CFAP299: variants seen among roughly 807,000 people sequenced by gnomAD.
CFAP299 encodes cilia and flagella associated protein 299, also known as cilia- and flagella-associated protein 299.
A neutral mutation model predicts 27.0 loss-of-function variants in CFAP299; 21 were observed. The ratio of observed to expected loss-of-function variants is 0.78; its 90% CI spans 0.55 to 1.12. CFAP299 has a LOEUF of 1.12. CFAP299 is among the 50% of genes most tolerant of loss of function. The probability of loss-of-function intolerance (pLI) is 0.00; values close to 1 mark genes in which losing one functional copy is unlikely to be tolerated. For missense variants in CFAP299, 310 were observed against 276.6 expected (o/e 1.12, Z -0.86); for synonymous variants, 104 against 98.1 (o/e 1.06, Z -0.36).
At chr4:80,693,933 G>A (rs1720923459) in intron 3 of CFAP299, among the ~76,000 whole-genome samples, 1 of 151,276 alleles carries the variant, frequency 6.6e-6, no homozygotes, top group Admixed American at 6.6e-5. Flanking sequence ...GTAGATTATT[G>A]CCCTTATGAC....
intron 2 of CFAP299, among the ~76,000 whole-genome samples, chr4:80,551,543 A>G (rs1041028698): frequency 3.9e-5 from 6 of 152,156 alleles, no homozygotes; most frequent in South Asian, 2.1e-4. Flanking sequence ...CTATATTCAA[A>G]GTCCAGATAT....
At chr4:80,537,460 A>G (rs1356757595) in intron 2 of CFAP299, among the ~76,000 whole-genome samples, 2 of 152,168 alleles carry the variant, frequency 1.3e-5, no homozygotes, top group Non-Finnish European at 2.9e-5. Context: ...GCATGAATAA[A>G]TAAAGAAAAT....
chr4:80,543,238 A>T (rs1734084964), intron 2 of CFAP299, among the ~76,000 whole-genome samples: 1 of 152,202 alleles, frequency 6.6e-6, no homozygotes, highest in African/African-American at 2.4e-5. Context: ...AGTGTAAAGG[A>T]ACATCAGCCC....
At chr4:80,618,512 GA>G (rs975597791) in intron 3 of CFAP299, among the ~76,000 whole-genome samples, 1 of 151,710 alleles carries the variant, frequency 6.6e-6, no homozygotes, top group Admixed American at 6.6e-5. Context: ...ACTGTATTAG[GA>G]AAAAAATGAA....
intron 2 of CFAP299, among the ~76,000 whole-genome samples, chr4:80,452,462 G>A (rs1245683243): frequency 6.6e-6 from 1 of 152,164 alleles, no homozygotes; most frequent in East Asian, 1.9e-4. Flanking sequence ...GCTCTCTTAG[G>A]TTTGCAAAGG....
At chr4:80,814,375 A>G (rs1159798416) in intron 3 of CFAP299, among the ~76,000 whole-genome samples, 3 of 152,088 alleles carry the variant, frequency 2.0e-5, no homozygotes, top group Non-Finnish European at 4.4e-5. Context: ...ACAGATGGAC[A>G]TGAGTATCAT....
chr4:80,803,380 A>G (rs1728709118), intron 3 of CFAP299, among the ~76,000 whole-genome samples: 2 of 152,146 alleles, frequency 1.3e-5, no homozygotes, highest in African/African-American at 4.8e-5. Context: ...GATTTTGTTG[A>G]GGAAATTAAT....
rs189033434 is a variant in CFAP299, at chr4:80,673,614, G to T, written c.333+90431G>T. The stretch of plus-strand genomic sequence containing the variant: ...TGATCTGTCTAATATTGACAGTGGG[G>T]TGTTAAAGTCTCCCATTATTATTGT... On this transcript the variant is annotated intron_variant, in intron 3 of 5. Coordinates refer to ENST00000358105, the MANE Select transcript of CFAP299 (RefSeq NM_152770.3). Among the ~76,000 whole-genome samples, 8 of 152,234 alleles carry T rather than the reference G, an allele frequency of 5.3e-5. No individual in the cohort carries two copies. The East Asian group carries it at 9.7e-4, about 18-fold the overall frequency.
At chr4:80,915,384 TC>T (rs1475126267) in intron 4 of CFAP299, among the ~76,000 whole-genome samples, 1 of 152,036 alleles carries the variant, frequency 6.6e-6, no homozygotes, top group African/African-American at 2.4e-5. Context: ...CATGTGAATG[TC>T]CTTTTCTTTG....
At chr4:80,455,345 G>C (rs190911026) in intron 2 of CFAP299, among the ~76,000 whole-genome samples, 5 of 152,270 alleles carry the variant, frequency 3.3e-5, no homozygotes, top group Middle Eastern at 6.8e-3. Context: ...CTCTTTCACT[G>C]TCATAATTTT....
At chr4:80,866,424 G>A (rs770118075) in intron 3 of CFAP299, among the ~76,000 whole-genome samples, 16 of 152,162 alleles carry the variant, frequency 1.1e-4, no homozygotes, top group Admixed American at 7.2e-4. Flanking sequence ...CAGGCAGGGA[G>A]TCTCTGTTGC....
intron 4 of CFAP299, among the ~76,000 whole-genome samples, chr4:80,925,501 T>A (rs1736263286): frequency 6.6e-6 from 1 of 151,996 alleles, no homozygotes; most frequent in African/African-American, 2.4e-5. Flanking sequence ...GTTGAAAGAC[T>A]GTCAGGAAAC....
At chr4:80,577,658 C>G (rs779943009) in intron 2 of CFAP299, among the ~76,000 whole-genome samples, 1 of 152,056 alleles carries the variant, frequency 6.6e-6, no homozygotes, top group Non-Finnish European at 1.5e-5. Context: ...ACCTCGGCCT[C>G]GCAAAATGCT....
chr4:80,656,067 G>C (rs1033484083), intron 3 of CFAP299, among the ~76,000 whole-genome samples: 2 of 152,024 alleles, frequency 1.3e-5, no homozygotes, highest in African/African-American at 4.8e-5. Flanking sequence ...AAACCAATGA[G>C]CAGCTCAGAT....
chr4:80,708,377 T>C (rs1288244652), intron 3 of CFAP299, among the ~76,000 whole-genome samples: 1 of 152,042 alleles, frequency 6.6e-6, no homozygotes, highest in Non-Finnish European at 1.5e-5. Context: ...TTTATGTAAA[T>C]ATATTCCAGA....
chr4:80,651,713 T>TGG (rs1469375743), intron 3 of CFAP299, among the ~76,000 whole-genome samples: 6 of 150,402 alleles, frequency 4.0e-5, no homozygotes, highest in Non-Finnish European at 8.9e-5. Context: ...CTTGTGTGTG[T>TGG]GTGTGTGTGT....
chr4:80,342,485 A>T (rs1039739602), intron 1 of CFAP299, among the ~76,000 whole-genome samples: 3 of 152,230 alleles, frequency 2.0e-5, no homozygotes, highest in Non-Finnish European at 4.4e-5. Context: ...TGGAAACCCT[A>T]CAAGCCAGAA....
chr4:80,737,525 G>A lies in CFAP299; in HGVS notation c.334-132468G>A, dbSNP rs552643311. ...TGGTTCATTCTTTGTAGGTTTATGTGTCTAGGAACTTAATACATTTCTTCT... is the reference window on the plus strand; with the variant it reads ...TGGTTCATTCTTTGTAGGTTTATGTATCTAGGAACTTAATACATTTCTTCT... On this transcript the variant is annotated intron_variant, in intron 3 of 5. Coordinates refer to ENST00000358105, the MANE Select transcript of CFAP299 (RefSeq NM_152770.3). Among the ~76,000 whole-genome samples, 10 of 152,088 alleles carry A rather than the reference G, an allele frequency of 6.6e-5. No individual in the cohort carries two copies. In the East Asian group the frequency reaches 1.9e-3, roughly 29 times the overall value.
chr4:80,565,117 C>T (rs949790477), intron 2 of CFAP299, among the ~76,000 whole-genome samples: 4 of 151,774 alleles, frequency 2.6e-5, no homozygotes, highest in Non-Finnish European at 4.4e-5. Flanking sequence ...ACTCTTTGAC[C>T]GGAAATCTTC....
Sources: gnomAD v4.1 joint callset for allele counts (sites outside exome capture counted in the v4.1 genomes callset) on GRCh38, gnomAD v4.1.1 for gene constraint, MANE v1.5 for transcripts, NCBI Gene and HGNC (gene_info 2026-07-23, HGNC 2026-07-21) for gene names.